CREBRF: variants seen among roughly 807,000 people sequenced by gnomAD.
The protein encoded by CREBRF is CREB3 regulatory factor.
In CREBRF, 5 loss-of-function variants were observed where a neutral mutation model predicts 66.1. The ratio of observed to expected loss-of-function variants is 0.08; its 90% CI spans 0.04 to 0.16. CREBRF has a LOEUF of 0.16. Among genes scored for constraint, CREBRF ranks in the 10% least tolerant of loss-of-function variants. CREBRF has a pLI of 1.00. For synonymous variants in CREBRF, 229 were observed against 264.4 expected, an observed-to-expected ratio of 0.87 and a Z score of 1.30; for missense variants, 531 against 744.9, an observed-to-expected ratio of 0.71 and a Z score of 3.34.
rs1234579771 is a variant in CREBRF, at chr5:173,086,020, G to GTCATAATC, written c.10-480_10-473dup. 4 of 1,360,172 alleles carry GTCATAATC rather than the reference G, an allele frequency of 2.9e-6. No individual in the cohort carries two copies. In the East Asian group the frequency reaches 9.2e-5, roughly 31 times the overall value. 84.3% of individuals were successfully genotyped at this position (1,360,172 alleles called of 1,614,324 possible). A position where few individuals can be genotyped will look rare whatever the true frequency, so the allele number is the denominator to read the frequency against. The stretch of plus-strand genomic sequence containing the variant: ...GTGGATAACTCAGCGGTCATAATCT[G>GTCATAATC]TCATAATCCTTTGCCCTGCAGTATC... On this transcript the variant is annotated intron_variant, in intron 2 of 8. Transcript: ENST00000296953.
intron 7 of CREBRF, among the ~76,000 whole-genome samples, chr5:173,113,948 C>T (rs1035920176): frequency 9.2e-5 from 14 of 152,132 alleles, no homozygotes; most frequent in Non-Finnish European, 1.9e-4. Context: ...TTGTCCTCTT[C>T]GATGTGTAGT....
chr5:173,135,138 C>T lies in CREBRF; in HGVS notation c.*1393C>T, dbSNP rs2113818405. On this transcript the variant is annotated 3_prime_UTR_variant, in exon 9 of 9. Coordinates refer to ENST00000296953, the MANE Select transcript of CREBRF (RefSeq NM_153607.3). Reference sequence around the variant, plus strand: ...TCTAATTCTTTAGTTGCCACTTTTCCGATTGATGTATTATTGTGCATGTAA... The same window carrying T: ...TCTAATTCTTTAGTTGCCACTTTTCTGATTGATGTATTATTGTGCATGTAA... 1 of 152,190 alleles carries T rather than the reference C, an allele frequency of 6.6e-6. No individual in the cohort carries two copies. Among genetic ancestry groups the T allele is most frequent in the South Asian group, 2.1e-4 (1 of 4,796 alleles). The allele number at this position is 152,190 out of a possible 1,614,324, so 9.4% of individuals were successfully genotyped here.
chr5:173,097,965 GTTTA>G (rs1758518620), intron 4 of CREBRF, among the ~76,000 whole-genome samples: 1 of 150,084 alleles, frequency 6.7e-6, no homozygotes, highest in South Asian at 2.1e-4. Flanking sequence ...AAGTTTGGTT[GTTTA>G]TTTGAGATCT....
chr5:173,095,244 A>G (rs1758450106), intron 4 of CREBRF, among the ~76,000 whole-genome samples: 1 of 130,168 alleles, frequency 7.7e-6, no homozygotes. Flanking sequence ...GCTGGAGTGC[A>G]GTGGCCCGAT....
intron 4 of CREBRF, among the ~76,000 whole-genome samples, chr5:173,101,695 G>C (rs983749753): frequency 1.3e-5 from 2 of 151,818 alleles, no homozygotes; most frequent in East Asian, 3.9e-4. Context: ...TGGGATTACC[G>C]ACACCCACCA....
intron 7 of CREBRF, among the ~76,000 whole-genome samples, chr5:173,115,232 C>T (rs1229213819): frequency 6.6e-6 from 1 of 151,756 alleles, no homozygotes; most frequent in Non-Finnish European, 1.5e-5. Context: ...TTAAGCCTCC[C>T]GAGTAGCTAG....
chr5:173,126,261 C>T (rs559466347), intron 8 of CREBRF, among the ~76,000 whole-genome samples: 2 of 152,120 alleles, frequency 1.3e-5, no homozygotes, highest in Non-Finnish European at 2.9e-5. Context: ...CTGCCTCAGC[C>T]TCCCCAGTAG....
chr5:173,108,647 G>T lies in CREBRF; in HGVS notation c.1246G>T (p.Asp416Tyr). Residue 416 changes from aspartate (D) to tyrosine (Y), a missense_variant, in exon 5 of 9, where the codon GAC (aspartate) becomes TAC (tyrosine). By Grantham distance (160) the Asp-to-Tyr change is radical. Around this residue, in one of 5 missense-constraint regions of CREBRF, gnomAD observed 309 missense variants for 341.4 expected, o/e 0.90. Coordinates refer to ENST00000296953, the MANE Select transcript of CREBRF (RefSeq NM_153607.3). ...AGGCTATGAAAATGATTCTGTAGAA[G>T]ACCTGAAGGAGGTGACTTCAATATC... ...EPGYENDSVE[D>Y]LKEVTSISSR... The T allele has an allele frequency of 6.2e-7, 1 of 1,610,872 alleles. No homozygotes were observed. The highest frequency in any genetic ancestry group is 8.5e-7 in the Non-Finnish European group (1 of 1,179,238).
intron 7 of CREBRF, 118 bp downstream of exon 7, chr5:173,112,497 T>TA: frequency 1.6e-6 from 1 of 637,996 alleles, no homozygotes; most frequent in Non-Finnish European, 2.7e-6. Context: ...GCTAGCCTCC[T>TA]ATTTGTTTAT....
intron 2 of CREBRF, chr5:173,085,922 C>CA: frequency 3.8e-6 from 4 of 1,058,196 alleles, no homozygotes; most frequent in Non-Finnish European, 5.9e-6. Context: ...GACAGTTAGG[C>CA]ACCCACTTTT....
chr5:173,079,352 A>G (rs1179061117), intron 1 of CREBRF, among the ~76,000 whole-genome samples: 1 of 151,780 alleles, frequency 6.6e-6, no homozygotes, highest in Non-Finnish European at 1.5e-5. Flanking sequence ...AATCTCAGCT[A>G]CTTGGGAGGC....
chr5:173,070,397 T>G (rs1179994110), intron 1 of CREBRF, among the ~76,000 whole-genome samples: 1 of 152,144 alleles, frequency 6.6e-6, no homozygotes, highest in Non-Finnish European at 1.5e-5. Flanking sequence ...GCAGAACAGC[T>G]TAGAAAACAA....
chr5:173,061,477 T>A (rs173693), intron 1 of CREBRF, among the ~76,000 whole-genome samples: 1 of 152,048 alleles, frequency 6.6e-6, no homozygotes, highest in Admixed American at 6.6e-5. Context: ...AATATTGGTA[T>A]AAATCCTGTT....
intron 7 of CREBRF, among the ~76,000 whole-genome samples, chr5:173,114,855 T>A (rs1202931043): frequency 6.6e-6 from 1 of 152,200 alleles, no homozygotes; most frequent in Non-Finnish European, 1.5e-5. Flanking sequence ...ATGGAAACAT[T>A]AAAACCAGAA....
At chr5:173,113,739 A>C (rs893204593) in intron 7 of CREBRF, among the ~76,000 whole-genome samples, 1 of 152,218 alleles carries the variant, frequency 6.6e-6, no homozygotes, top group African/African-American at 2.4e-5. Context: ...GCATCACGGA[A>C]TATAACAAGA....
intron 6 of CREBRF, among the ~76,000 whole-genome samples, chr5:173,111,718 A>G (rs948097937): frequency 1.1e-4 from 16 of 152,344 alleles, no homozygotes; most frequent in African/African-American, 3.4e-4. Flanking sequence ...ACCACCATCA[A>G]TGTTCACTTA....
chr5:173,094,987 A>G (rs1758442208), intron 4 of CREBRF, among the ~76,000 whole-genome samples: 1 of 151,976 alleles, frequency 6.6e-6, no homozygotes, highest in Non-Finnish European at 1.5e-5. Context: ...CTCCAGTGTC[A>G]TTATTTTGCC....
intron 1 of CREBRF, among the ~76,000 whole-genome samples, chr5:173,065,881 C>A (rs771096965): frequency 2.6e-5 from 4 of 152,064 alleles, no homozygotes; most frequent in Admixed American, 1.3e-4. Context: ...AAGCCACCCA[C>A]CCACCTTGGC....
intron 1 of CREBRF, among the ~76,000 whole-genome samples, chr5:173,063,196 T>C (rs1374012188): frequency 1.3e-5 from 2 of 152,184 alleles, no homozygotes; most frequent in Admixed American, 1.3e-4. Context: ...AAAATCTATA[T>C]TGTAACTCTC....
Sources: allele counts gnomAD v4.1 joint callset (sites outside exome capture counted in the v4.1 genomes callset), GRCh38; gene constraint gnomAD v4.1.1; regional missense constraint gnomAD v4.1.1; transcripts MANE v1.5; gene names NCBI Gene and HGNC (gene_info 2026-07-23, HGNC 2026-07-21).